Variants in KIF26B observed in about 807,000 individuals in gnomAD.
KIF26B encodes the protein kinesin family member 26B, also known as kinesin-like protein KIF26B.
Under a neutral mutation model 151.2 loss-of-function variants are expected in KIF26B, and 63 were observed. The observed-to-expected ratio is 0.42, with a 90% CI of 0.34 to 0.51. The LOEUF (loss-of-function observed/expected upper bound fraction) is 0.51. Among genes scored for constraint, KIF26B ranks in the 20% least tolerant of loss-of-function variants. The probability of loss-of-function intolerance (pLI) is 0.07; values close to 1 mark genes in which losing one functional copy is unlikely to be tolerated. For missense variants in KIF26B, 2,813 were observed against 2,913.6 expected, an observed-to-expected ratio of 0.97 and a Z score of 0.79; for synonymous variants, 1,357 against 1,262.1, an observed-to-expected ratio of 1.08 and a Z score of -1.59.
At chr1:245,242,886 A>G (rs936940641) in intron 2 of KIF26B, among the ~76,000 whole-genome samples, 11 of 151,696 alleles carry the variant, frequency 7.3e-5, no homozygotes, top group Non-Finnish European at 1.0e-4. Flanking sequence ...TCCTGACATC[A>G]TGATCTGCCC....
intron 5 of KIF26B, among the ~76,000 whole-genome samples, chr1:245,575,790 GC>G (rs1463349554): frequency 1.3e-5 from 2 of 152,112 alleles, no homozygotes; most frequent in Non-Finnish European, 2.9e-5. Flanking sequence ...CTTGGCAGAG[GC>G]TACCTTTTCT....
chr1:245,653,027 A>G (rs1266012133), intron 10 of KIF26B, among the ~76,000 whole-genome samples: 2 of 152,196 alleles, frequency 1.3e-5, no homozygotes, highest in African/African-American at 4.8e-5. Flanking sequence ...CAATGATCAG[A>G]TAGATACAAG....
At chr1:245,447,625 G>A (rs1199114234) in intron 4 of KIF26B, among the ~76,000 whole-genome samples, 1 of 152,092 alleles carries the variant, frequency 6.6e-6, no homozygotes, top group Non-Finnish European at 1.5e-5. Context: ...CCAAAATGAG[G>A]ACTAGATAAA....
chr1:245,592,240 C>A (rs998186737), intron 5 of KIF26B, among the ~76,000 whole-genome samples: 1 of 152,204 alleles, frequency 6.6e-6, no homozygotes. Context: ...GCTCACCCAG[C>A]GGCACCTCGG....
Position 245,704,872 on chromosome 1 carries a change from A to G in KIF26B, c.*2266A>G, listed in dbSNP as rs2044821018. 1 of 133,414 alleles carries G rather than the reference A, an allele frequency of 7.5e-6. No homozygotes were observed. The allele number at this position is 133,414 out of a possible 1,614,324, so 8.3% of individuals were successfully genotyped here. ...ACATATAGTTCATGAAAAGTCTTTA[A>G]TTGGAGATTTTCAAAGGTGAATATT... On this transcript the variant is annotated 3_prime_UTR_variant, in exon 15 of 15. Transcript: ENST00000407071.
intron 4 of KIF26B, among the ~76,000 whole-genome samples, chr1:245,518,474 G>A (rs1263731521): frequency 6.6e-6 from 1 of 152,162 alleles, no homozygotes; most frequent in Non-Finnish European, 1.5e-5. Flanking sequence ...GAAAGAAGAG[G>A]AGATAAAGTC....
chr1:245,675,140 C>T lies in KIF26B; in HGVS notation c.2259-9093C>T, dbSNP rs116683888. Among the ~76,000 whole-genome samples the T allele has an allele frequency of 8.3e-4, 127 of 152,326 alleles. 1 individual carries two copies. The highest frequency in any genetic ancestry group is 2.7e-3 in the African/African-American group (114 of 41,576). ...GAATCTAGGACGGTTTCAAAAGGGACGCTTCCATTGTCGTCAGGACACATT... is the reference window on the plus strand; with the variant it reads ...GAATCTAGGACGGTTTCAAAAGGGATGCTTCCATTGTCGTCAGGACACATT... On this transcript the variant is annotated intron_variant, in intron 10 of 14. Coordinates refer to ENST00000407071, the MANE Select transcript of KIF26B (RefSeq NM_018012.4).
At chr1:245,263,084 C>T (rs770872100) in intron 2 of KIF26B, among the ~76,000 whole-genome samples, 4 of 152,156 alleles carry the variant, frequency 2.6e-5, no homozygotes, top group Non-Finnish European at 5.9e-5. Flanking sequence ...TCATGACAAG[C>T]GAACTTCAGA....
Position 245,516,360 on chromosome 1 carries a change from T to C in KIF26B, c.1167-24407T>C, listed in dbSNP as rs889876771. On this transcript the variant is annotated intron_variant, in intron 4 of 14. Coordinates refer to ENST00000407071, the MANE Select transcript of KIF26B (RefSeq NM_018012.4). The surrounding 1 kb of genome is among the most constrained non-coding windows in gnomAD (Gnocchi z 4.2). ...TGTCCGTTCCCATGGCCAGTCCTCA[T>C]GTAGAGCCACAAGATGGCGCAGAGG... is the stretch of plus-strand genomic sequence containing the variant. 6.6e-6 allele frequency among the ~76,000 whole-genome samples: 1 copy of C among 152,322 alleles called. No homozygotes were observed. The highest frequency in any genetic ancestry group is 2.1e-4 in the South Asian group (1 of 4,822).
At chr1:245,600,131 C>T (rs988158572) in intron 5 of KIF26B, among the ~76,000 whole-genome samples, 8 of 139,452 alleles carry the variant, frequency 5.7e-5, no homozygotes, top group South Asian at 2.4e-4. Context: ...CTCCGCTTCC[C>T]GGGTTCACGC....
chr1:245,659,802 C>T (rs2044114620), intron 10 of KIF26B, among the ~76,000 whole-genome samples: 1 of 151,774 alleles, frequency 6.6e-6, no homozygotes, highest in Non-Finnish European at 1.5e-5. Flanking sequence ...ACTTTGAGAG[C>T]CCAAGGAGGG....
rs970993104 is a variant in KIF26B, at chr1:245,606,420, C to G, written c.1558-1231C>G. On this transcript the variant is annotated intron_variant, in intron 6 of 14. Coordinates refer to ENST00000407071, the MANE Select transcript of KIF26B (RefSeq NM_018012.4). The surrounding 1 kb of genome is among the most constrained non-coding windows in gnomAD (Gnocchi z 4.6). ...CTCCCGGAGCTCCCACGAGCCCTGA[C>G]TCCGGCCCCGAGACAGAAATGAAAG... is the stretch of plus-strand genomic sequence containing the variant. Among the ~76,000 whole-genome samples, 1 of 151,556 alleles carries G rather than the reference C, an allele frequency of 6.6e-6. No individual in the cohort carries two copies. The highest frequency in any genetic ancestry group is 2.4e-5 in the African/African-American group (1 of 41,462).
At chr1:245,404,459 G>T (rs527802503) in intron 3 of KIF26B, among the ~76,000 whole-genome samples, 45 of 152,200 alleles carry the variant, frequency 3.0e-4, no homozygotes, top group African/African-American at 1.1e-3. Flanking sequence ...CGCTGGTTCC[G>T]GTTTATTAGC....
At chr1:245,396,599 G>A (rs1281354139) in intron 3 of KIF26B, among the ~76,000 whole-genome samples, 1 of 150,936 alleles carries the variant, frequency 6.6e-6, no homozygotes, top group African/African-American at 2.4e-5. Flanking sequence ...TGGCGCCACT[G>A]CATTCCTGGG....
At chr1:245,409,546 C>A (rs530018048) in intron 3 of KIF26B, among the ~76,000 whole-genome samples, 15 of 152,220 alleles carry the variant, frequency 9.9e-5, no homozygotes, top group Admixed American at 3.9e-4. Context: ...CTCCTAGGCC[C>A]TGCGTATCGC....
rs142364763 is a variant in KIF26B, at chr1:245,622,513, C to T, written c.2098+10537C>T. 2.4e-4 allele frequency among the ~76,000 whole-genome samples: 36 copies of T among 152,316 alleles called. No homozygotes were observed. In the East Asian group the frequency reaches 6.4e-3, roughly 27 times the overall value. ...GACGCGTGGATGCCTAGATCCCTCC[C>T]ACGCACCCCGAGTGCCACCTGCAAT... On this transcript the variant is annotated intron_variant, in intron 9 of 14. Coordinates refer to ENST00000407071, the MANE Select transcript of KIF26B (RefSeq NM_018012.4).
chr1:245,266,901 T>G (rs571605480), intron 2 of KIF26B, among the ~76,000 whole-genome samples: 1 of 152,328 alleles, frequency 6.6e-6, no homozygotes, highest in African/African-American at 2.4e-5. Context: ...TAACTGAAAA[T>G]TCATGGCATA....
chr1:245,175,017 T>C (rs537828535), intron 2 of KIF26B, among the ~76,000 whole-genome samples: 2 of 152,306 alleles, frequency 1.3e-5, no homozygotes, highest in Admixed American at 1.3e-4. Context: ...CAAACCACTC[T>C]CGTGGACTGT....
intron 5 of KIF26B, among the ~76,000 whole-genome samples, chr1:245,548,298 C>A (rs1661795081): frequency 6.6e-6 from 1 of 151,962 alleles, no homozygotes; most frequent in African/African-American, 2.4e-5. Context: ...AAAAAAAATT[C>A]TATACAGTCC....
Sources: allele counts gnomAD v4.1 joint callset (sites outside exome capture counted in the v4.1 genomes callset), GRCh38; gene constraint gnomAD v4.1.1; non-coding constraint Gnocchi (gnomAD v3.1); transcripts MANE v1.5; gene names NCBI Gene and HGNC (gene_info 2026-07-23, HGNC 2026-07-21).